TUBG1: variants seen among roughly 807,000 people sequenced by gnomAD.
TUBG1 encodes the protein tubulin gamma 1.
A neutral mutation model predicts 53.3 loss-of-function variants in TUBG1; 22 were observed. That is an observed-to-expected ratio of 0.41 (90% CI 0.29 to 0.59). The LOEUF (loss-of-function observed/expected upper bound fraction) is 0.59. TUBG1 is among the 20% of genes least tolerant of loss of function. TUBG1 has a pLI of 0.26. For synonymous variants in TUBG1, 198 were observed against 236.7 expected (o/e 0.84, Z 1.50); for missense variants, 217 against 598.9 (o/e 0.36, Z 6.66).
chr17:42,613,322 T>G (rs1342963819), intron 6 of TUBG1, among the ~76,000 whole-genome samples: 1 of 151,932 alleles, frequency 6.6e-6, no homozygotes, highest in African/African-American at 2.4e-5. Flanking sequence ...TGGTGATATG[T>G]GCAGAAGGAT....
chr17:42,614,733 C>T lies in TUBG1; in HGVS notation c.1158+76C>T, dbSNP rs2052063487. ...ACCTCACCTCTCTGCATCTGCTGGC[C>T]CTGCTTCTAGCTTTTTTGCTGTGGG... On this transcript the variant is annotated intron_variant, in intron 10 of 10. Coordinates refer to ENST00000251413, the MANE Select transcript of TUBG1 (RefSeq NM_001070.5). This position sits in a 1 kb window ranked among gnomAD's most constrained non-coding sequence, Gnocchi z 5.1. 1 of 1,605,068 alleles carries T rather than the reference C, an allele frequency of 6.2e-7. No homozygotes were observed.
chr17:42,610,775 T>G, intron 3 of TUBG1, 185 bp downstream of exon 3: 1 of 800,340 alleles, frequency 1.2e-6, no homozygotes, highest in Admixed American at 2.9e-5. Flanking sequence ...GCCAGGTCAT[T>G]CTAAGTGCTT....
At chr17:42,609,860 T>C (rs1321145101) in intron 1 of TUBG1, 74 bp downstream of exon 1, 3 of 1,503,154 alleles carry the variant, frequency 2.0e-6, no homozygotes, top group Non-Finnish European at 2.7e-6. Context: ...GATCCTGGAC[T>C]CCATCTGTCC....
chr17:42,612,264 A>G, intron 4 of TUBG1, 121 bp downstream of exon 4: 1 of 1,297,014 alleles, frequency 7.7e-7, no homozygotes, highest in Non-Finnish European at 1.1e-6. Context: ...AGAAGCTATC[A>G]GGCCTTGCCA....
At chr17:42,613,613 C>T (rs1379560079) in intron 6 of TUBG1, 34 bp from the exon 7 acceptor site, 2 of 1,613,864 alleles carry the variant, frequency 1.2e-6, no homozygotes, top group East Asian at 2.2e-5. Context: ...TTTTCTTATC[C>T]CCATTGATCT....
At chr17:42,610,790 T>TA in intron 3 of TUBG1, 200 bp downstream of exon 3, 1 of 691,278 alleles carries the variant, frequency 1.4e-6, no homozygotes, top group Non-Finnish European at 2.3e-6. Context: ...GTGCTTTACA[T>TA]ATATTAATTT....
Position 42,612,080 on chromosome 17 carries a change from A to G in TUBG1, c.336A>G (p.Glu112=), listed in dbSNP as rs761610033. 5.0e-6 allele frequency: 8 copies of G among 1,614,112 alleles called. No homozygotes were observed. In the South Asian group the frequency reaches 7.7e-5, roughly 16 times the overall value. ...NNWASGFSQG[E]KIHEDIFDII... ...CCTCCCCTATGTCTGTACAGGGAGAAAAGATCCATGAGGACATTTTTGACA... is the reference window on the plus strand; with the variant it reads ...CCTCCCCTATGTCTGTACAGGGAGAGAAGATCCATGAGGACATTTTTGACA... Residue 112 remains glutamate (E), a synonymous_variant, in exon 4 of 11, where the codon GAA becomes GAG. Coordinates refer to ENST00000251413, the MANE Select transcript of TUBG1 (RefSeq NM_001070.5).
intron 3 of TUBG1, chr17:42,610,824 G>C (rs775759088): frequency 1.2e-4 from 65 of 556,462 alleles, no homozygotes; most frequent in Non-Finnish European, 1.9e-4. Context: ...AACAACCCTA[G>C]AAGTAAGTAC....
At position 42,614,436 on chromosome 17, in the gene TUBG1, C is replaced by T. The variant is rs2052060804; in HGVS notation, c.996+24C>T. ...AGGTAGGGGAGGCCCCTTCATCCCA[C>T]ACCCTGGACCTGCAGGGGTAGAGGA... On this transcript the variant is annotated intron_variant, in intron 9 of 10. Coordinates refer to ENST00000251413, the MANE Select transcript of TUBG1 (RefSeq NM_001070.5). The surrounding 1 kb of genome is among the most constrained non-coding windows in gnomAD (Gnocchi z 5.1). The T allele has an allele frequency of 2.5e-6, 4 of 1,614,202 alleles. No homozygotes were observed. Among genetic ancestry groups the T allele is most frequent in the Middle Eastern group, 1.7e-4 (1 of 6,058 alleles).
chr17:42,612,086 C>A lies in TUBG1; in HGVS notation c.342C>A (p.Ile114=), dbSNP rs572936964. 4 of 1,614,036 alleles carry A rather than the reference C, an allele frequency of 2.5e-6. No homozygotes were observed. In the South Asian group the frequency reaches 4.4e-5, roughly 18 times the overall value. The change falls in exon 4 of 11, where the codon ATC becomes ATA. Residue 114 remains isoleucine (I), a synonymous_variant. Transcript: ENST00000251413. ...WASGFSQGEK[I]HEDIFDIIDR... Reference sequence around the variant, plus strand: ...CTATGTCTGTACAGGGAGAAAAGATCCATGAGGACATTTTTGACATCATAG... The same window carrying A: ...CTATGTCTGTACAGGGAGAAAAGATACATGAGGACATTTTTGACATCATAG...
At chr17:42,609,909 T>C (rs2052017840) in intron 1 of TUBG1, 123 bp downstream of exon 1, 3 of 1,414,356 alleles carry the variant, frequency 2.1e-6, no homozygotes, top group Non-Finnish European at 2.9e-6. Flanking sequence ...GAGACATCCC[T>C]GACCCAGTGT....
chr17:42,615,074 C>T lies in TUBG1; in HGVS notation c.*33C>T. ...AGGACAGGGACCCTCATCTGCCTTACTGGTTGGCCCAAGCCCTGCCTGACT... is the reference window on the plus strand; with the variant it reads ...AGGACAGGGACCCTCATCTGCCTTATTGGTTGGCCCAAGCCCTGCCTGACT... On this transcript the variant is annotated 3_prime_UTR_variant, in exon 11 of 11. Coordinates refer to ENST00000251413, the MANE Select transcript of TUBG1 (RefSeq NM_001070.5). The T allele has an allele frequency of 6.2e-7, 1 of 1,611,094 alleles. No individual in the cohort carries two copies. Among genetic ancestry groups the T allele is most frequent in the South Asian group, 1.1e-5 (1 of 90,840 alleles).
Position 42,613,004 on chromosome 17 carries a change from C to T in TUBG1, c.537C>T (p.Ser179=), listed in dbSNP as rs770873866. 8.1e-6 allele frequency: 13 copies of T among 1,614,112 alleles called. No individual in the cohort carries two copies. The highest frequency in any genetic ancestry group is 5.0e-5 in the Admixed American group (3 of 60,012). Residue 179 remains serine, a synonymous_variant, in exon 6 of 11, where the codon AGC becomes AGT. Transcript: ENST00000251413. ...TGTTTCCCAACCAGGACGAGATGAG[C>T]GATGTGGTGGTCCAGCCTTACAATT... ...YSVFPNQDEM[S]DVVVQPYNSL... is the part of the protein sequence containing the mutation.
In TUBG1 at chr17:42,615,007, C is replaced by T. The variant is rs2052065587; in HGVS notation, c.1322C>T (p.Pro441Leu). 6.2e-7 allele frequency: 1 copy of T among 1,614,064 alleles called. No individual in the cohort carries two copies. Among genetic ancestry groups the T allele is most frequent in the African/African-American group, 1.3e-5 (1 of 74,932 alleles). Residue 441 changes from proline (P) to leucine (L), a missense_variant, in exon 11 of 11, where the codon CCA becomes CTA. Pro to Leu is a moderately conservative substitution (Grantham distance 98). This residue lies in a region of TUBG1 where 25 missense variants were observed against 32.4 expected (regional missense o/e 0.77). Coordinates refer to ENST00000251413, the MANE Select transcript of TUBG1 (RefSeq NM_001070.5). Reference sequence around the variant, plus strand: ...GATGAGTACCATGCGGCCACACGGCCAGACTACATCTCCTGGGGCACCCAG... The same window carrying T: ...GATGAGTACCATGCGGCCACACGGCTAGACTACATCTCCTGGGGCACCCAG... ...LIDEYHAATRPDYISWGTQEQ is the reference protein window; with the variant it reads ...LIDEYHAATRLDYISWGTQEQ
intron 3 of TUBG1, 127 bp from the exon 4 acceptor site, chr17:42,611,947 TA>T: frequency 1.3e-6 from 1 of 761,906 alleles, no homozygotes; most frequent in African/African-American, 1.7e-5. Context: ...TCAATGTAGA[TA>T]AAAGCAGGTA....
At position 42,615,006 on chromosome 17, in the gene TUBG1, C is replaced by A. The variant is rs2052065565; in HGVS notation, c.1321C>A (p.Pro441Thr). 6.2e-7 allele frequency: 1 copy of A among 1,614,050 alleles called. No homozygotes were observed. Among genetic ancestry groups the A allele is most frequent in the South Asian group, 1.1e-5 (1 of 91,090 alleles). ...LIDEYHAATR[P>T]DYISWGTQEQ Reference sequence around the variant, plus strand: ...CGATGAGTACCATGCGGCCACACGGCCAGACTACATCTCCTGGGGCACCCA... The same window carrying A: ...CGATGAGTACCATGCGGCCACACGGACAGACTACATCTCCTGGGGCACCCA... The change falls in exon 11 of 11, where the codon CCA (proline) becomes ACA (threonine). Residue 441 changes from proline to threonine, a missense_variant. This residue lies in a region of TUBG1 where 25 missense variants were observed against 32.4 expected (regional missense o/e 0.77). Coordinates refer to ENST00000251413, the MANE Select transcript of TUBG1 (RefSeq NM_001070.5).
At position 42,614,466 on chromosome 17, in the gene TUBG1, C is replaced by G; in HGVS notation, c.997-30C>G. On this transcript the variant is annotated intron_variant, in intron 9 of 10. Transcript: ENST00000251413. This position sits in a 1 kb window ranked among gnomAD's most constrained non-coding sequence, Gnocchi z 5.1. ...TGGACCTGCAGGGGTAGAGGAGAGG[C>G]CACCTCCACTGCTCCTATGCCCACC... 6.2e-7 allele frequency: 1 copy of G among 1,614,076 alleles called. No homozygotes were observed. Among genetic ancestry groups the G allele is most frequent in the Non-Finnish European group, 8.5e-7 (1 of 1,179,968 alleles).
At chr17:42,613,101 C>T in intron 6 of TUBG1, 28 bp downstream of exon 6, 1 of 1,611,872 alleles carries the variant, frequency 6.2e-7, no homozygotes, top group South Asian at 1.1e-5. Flanking sequence ...CCTCTCCCAA[C>T]TCTCAACACC....
Position 42,612,061 on chromosome 17 carries a change from C to T in TUBG1, c.331-14C>T, listed in dbSNP as rs1242082594. The T allele has an allele frequency of 6.2e-7, 1 of 1,613,872 alleles. No homozygotes were observed. The highest frequency in any genetic ancestry group is 1.1e-5 in the South Asian group (1 of 91,076). On this transcript the variant is annotated splice_polypyrimidine_tract_variant and intron_variant, in intron 3 of 10. Coordinates refer to ENST00000251413, the MANE Select transcript of TUBG1 (RefSeq NM_001070.5). ...GGTTCTGTCCCACTCTGACCCTCCC[C>T]TATGTCTGTACAGGGAGAAAAGATC... is the stretch of plus-strand genomic sequence containing the variant.
Sources: allele counts gnomAD v4.1 joint callset (sites outside exome capture counted in the v4.1 genomes callset), GRCh38; gene constraint gnomAD v4.1.1; regional missense constraint gnomAD v4.1.1; non-coding constraint Gnocchi (gnomAD v3.1); transcripts MANE v1.5; gene names NCBI Gene and HGNC (gene_info 2026-07-23, HGNC 2026-07-21).